Variants in SLC8A3 observed in about 807,000 individuals in gnomAD.
SLC8A3 encodes the protein solute carrier family 8 member A3.
SLC8A3 carries 37 observed loss-of-function variants against 65.4 expected under a neutral mutation model. That is an observed-to-expected ratio of 0.57 (90% CI 0.44 to 0.74). SLC8A3 has a LOEUF of 0.74. Ranked by LOEUF, SLC8A3 falls within the 30% of genes least tolerant of loss-of-function variation. SLC8A3 has a pLI of 0.00. For missense variants in SLC8A3, 1,112 were observed against 1,172.1 expected, an observed-to-expected ratio of 0.95 and a Z score of 0.75; for synonymous variants, 461 against 444.5, an observed-to-expected ratio of 1.04 and a Z score of -0.47.
At chr14:70,100,368 A>T (rs1892480038) in intron 2 of SLC8A3, among the ~76,000 whole-genome samples, 1 of 152,200 alleles carries the variant, frequency 6.6e-6, no homozygotes, top group Non-Finnish European at 1.5e-5. Flanking sequence ...CAGCACATTC[A>T]CTTCTACTTA....
At chr14:70,143,464 C>A (rs1448946931) in intron 2 of SLC8A3, among the ~76,000 whole-genome samples, 1 of 152,118 alleles carries the variant, frequency 6.6e-6, no homozygotes, top group African/African-American at 2.4e-5. Context: ...TGGGAGCACC[C>A]CTGGAGTGCA....
At chr14:70,110,673 CTTTTTTTTT>C (rs71102684) in intron 2 of SLC8A3, among the ~76,000 whole-genome samples, 1 of 91,854 alleles carries the variant, frequency 1.1e-5, no homozygotes, top group Non-Finnish European at 2.2e-5. Flanking sequence ...ATACCTCTTT[CTTTTTTTTT>C]TTTTTTTTTT....
At chr14:70,139,916 C>T (rs1895455515) in intron 2 of SLC8A3, among the ~76,000 whole-genome samples, 1 of 152,138 alleles carries the variant, frequency 6.6e-6, no homozygotes, top group South Asian at 2.1e-4. Context: ...CCCCCTTTCC[C>T]TTGAAATTCC....
intron 2 of SLC8A3, among the ~76,000 whole-genome samples, chr14:70,126,213 T>C (rs1894431997): frequency 6.6e-6 from 1 of 152,062 alleles, no homozygotes; most frequent in Non-Finnish European, 1.5e-5. Flanking sequence ...AAACATTACT[T>C]CTTCAATCAA....
At chr14:70,093,766 C>G (rs1339333061) in intron 2 of SLC8A3, among the ~76,000 whole-genome samples, 1 of 152,190 alleles carries the variant, frequency 6.6e-6, no homozygotes, top group African/African-American at 2.4e-5. Flanking sequence ...CTTGACACTT[C>G]CCATTCTGCC....
intron 1 of SLC8A3, among the ~76,000 whole-genome samples, chr14:70,183,855 C>T (rs890287437): frequency 3.9e-5 from 6 of 152,184 alleles, no homozygotes; most frequent in South Asian, 2.1e-4. Flanking sequence ...ACCAGACCAT[C>T]GGCTGATAGA....
chr14:70,077,008 T>C (rs1280222516), intron 2 of SLC8A3, among the ~76,000 whole-genome samples: 1 of 152,170 alleles, frequency 6.6e-6, no homozygotes, highest in Non-Finnish European at 1.5e-5. Flanking sequence ...AACAGGGTTT[T>C]TGAGAGGATT....
At chr14:70,127,223 T>C (rs1894524776) in intron 2 of SLC8A3, among the ~76,000 whole-genome samples, 2 of 152,102 alleles carry the variant, frequency 1.3e-5, no homozygotes, top group South Asian at 2.1e-4. Context: ...TCACCTACCA[T>C]TGAGAACCAA....
intron 1 of SLC8A3, among the ~76,000 whole-genome samples, chr14:70,172,010 C>T (rs556340128): frequency 8.5e-5 from 13 of 152,162 alleles, no homozygotes; most frequent in South Asian, 4.2e-4. Context: ...GCAATTGCCC[C>T]GGCCCAGACA....
In SLC8A3 at chr14:70,167,804, C is replaced by A; in HGVS notation, c.619G>T (p.Ala207Ser). ...IKHLRVFFIT[A>S]AWSIFAYIWL... ...ATGTAGGCAAAGATACTCCAAGCAG[C>A]GGTGATGAAGAAGACTCGTAGATGC... The change falls in exon 2 of 7, where the codon GCT becomes TCT. Residue 207 changes from alanine to serine, a missense_variant. Physicochemically the swap from Ala to Ser is moderately conservative, Grantham distance 99 (BLOSUM62 1). Coordinates refer to ENST00000356921, the MANE Select transcript of SLC8A3 (RefSeq NM_182932.3). 1 of 1,614,108 alleles carries A rather than the reference C, an allele frequency of 6.2e-7. No homozygotes were observed. Among genetic ancestry groups the A allele is most frequent in the South Asian group, 1.1e-5 (1 of 91,068 alleles).
intron 2 of SLC8A3, among the ~76,000 whole-genome samples, chr14:70,110,955 C>T (rs555934832): frequency 4.6e-5 from 7 of 152,312 alleles, no homozygotes; most frequent in African/African-American, 1.4e-4. Context: ...GCTGGGATTA[C>T]AGGCGTGAGC....
At chr14:70,083,940 C>T (rs566984322) in intron 2 of SLC8A3, among the ~76,000 whole-genome samples, 1 of 152,296 alleles carries the variant, frequency 6.6e-6, no homozygotes, top group Admixed American at 6.5e-5. Context: ...GGTATTACAA[C>T]ACAGAAGAGA....
At chr14:70,158,295 A>C (rs981298188) in intron 2 of SLC8A3, among the ~76,000 whole-genome samples, 2 of 152,216 alleles carry the variant, frequency 1.3e-5, no homozygotes, top group Non-Finnish European at 2.9e-5. Flanking sequence ...GGCAGAATAC[A>C]TCTGCATCCC....
intron 2 of SLC8A3, among the ~76,000 whole-genome samples, chr14:70,146,923 CA>C (rs1895962038): frequency 6.6e-6 from 1 of 152,084 alleles, no homozygotes; most frequent in African/African-American, 2.4e-5. Flanking sequence ...GTTAATGAAT[CA>C]ACGTATATAT....
chr14:70,091,969 C>G lies in SLC8A3; in HGVS notation c.1785-31030G>C, dbSNP rs569532351. Among the ~76,000 whole-genome samples, 7 of 152,324 alleles carry G rather than the reference C, an allele frequency of 4.6e-5. No homozygotes were observed. The South Asian group carries it at 1.5e-3, about 32-fold the overall frequency. On this transcript the variant is annotated intron_variant, in intron 2 of 6. Transcript: ENST00000356921. The stretch of plus-strand genomic sequence containing the variant: ...CATTGTGTTATGGATATGTGGTTCT[C>G]AAGCCAACATTTCTCACCACGTTAC...
chr14:70,169,697 G>C (rs530951353), intron 1 of SLC8A3, among the ~76,000 whole-genome samples: 1 of 145,788 alleles, frequency 6.9e-6, no homozygotes, highest in Non-Finnish European at 1.5e-5. Flanking sequence ...AAAGTGGGGG[G>C]GGGGGCGATC....
chr14:70,112,581 T>A (rs531202493), intron 2 of SLC8A3, among the ~76,000 whole-genome samples: 10 of 152,210 alleles, frequency 6.6e-5, no homozygotes, highest in Non-Finnish European at 1.3e-4. Flanking sequence ...CTTCTGGCTC[T>A]TTCCATTTGT....
intron 2 of SLC8A3, among the ~76,000 whole-genome samples, chr14:70,093,452 G>C (rs1200612499): frequency 6.6e-6 from 1 of 152,190 alleles, no homozygotes; most frequent in Non-Finnish European, 1.5e-5. Flanking sequence ...TATTTGCCAA[G>C]TGGAGAGAGT....
At chr14:70,182,148 G>A (rs1441741875) in intron 1 of SLC8A3, among the ~76,000 whole-genome samples, 4 of 152,224 alleles carry the variant, frequency 2.6e-5, no homozygotes, top group Admixed American at 1.3e-4. Flanking sequence ...TGGAGGTTTC[G>A]AGCCAGGGTG....
Sources: gnomAD v4.1 joint callset for allele counts (sites outside exome capture counted in the v4.1 genomes callset) on GRCh38, gnomAD v4.1.1 for gene constraint, MANE v1.5 for transcripts, NCBI Gene and HGNC (gene_info 2026-07-23, HGNC 2026-07-21) for gene names.